Variants in PEX5L observed in about 807,000 individuals in gnomAD.
PEX5L encodes peroxisomal biogenesis factor 5 like.
Under a neutral mutation model 84.0 loss-of-function variants are expected in PEX5L, and 30 were observed. The observed-to-expected ratio is 0.36, with a 90% CI of 0.27 to 0.48. PEX5L has a LOEUF of 0.48. PEX5L is among the 20% of genes least tolerant of loss of function. The probability of loss-of-function intolerance (pLI) is 0.99; values close to 1 mark genes in which losing one functional copy is unlikely to be tolerated. For synonymous variants in PEX5L, 270 were observed against 283.1 expected, an observed-to-expected ratio of 0.95 and a Z score of 0.46; for missense variants, 533 against 754.6, an observed-to-expected ratio of 0.71 and a Z score of 3.44.
At position 179,801,802 on chromosome 3, in the gene PEX5L, T is replaced by G; in HGVS notation, c.*26A>C. 5 of 1,310,294 alleles carry G rather than the reference T, an allele frequency of 3.8e-6. No individual in the cohort carries two copies. Among genetic ancestry groups the G allele is most frequent in the Non-Finnish European group, 5.5e-6 (5 of 902,452 alleles). 81.2% of individuals were successfully genotyped at this position (1,310,294 alleles called of 1,614,324 possible). A position where few individuals can be genotyped will look rare whatever the true frequency, so the allele number is the denominator to read the frequency against. On this transcript the variant is annotated 3_prime_UTR_variant, in exon 15 of 15. Coordinates refer to ENST00000467460, the MANE Select transcript of PEX5L (RefSeq NM_016559.3). ...TCAGTACAATCACACAGATCAGGGA[T>G]TATTAGTACTGGTATTATTCTTTCT...
At chr3:179,818,078 A>T (rs1726847464) in intron 9 of PEX5L, among the ~76,000 whole-genome samples, 1 of 152,170 alleles carries the variant, frequency 6.6e-6, no homozygotes, top group South Asian at 2.1e-4. Context: ...TAGATTGCAG[A>T]TCTACTAAAA....
chr3:180,008,864 TG>T (rs1402786775), intron 1 of PEX5L, among the ~76,000 whole-genome samples: 4 of 152,166 alleles, frequency 2.6e-5, no homozygotes, highest in Non-Finnish European at 5.9e-5. Flanking sequence ...GAAGAGAATA[TG>T]GGTGGGGAGA....
At chr3:179,951,271 G>C (rs1779014425) in intron 2 of PEX5L, among the ~76,000 whole-genome samples, 1 of 152,136 alleles carries the variant, frequency 6.6e-6, no homozygotes, top group Non-Finnish European at 1.5e-5. Context: ...TTAGAGTTGA[G>C]ATTACTAGCT....
chr3:179,978,650 AAAGT>A (rs1786032661), intron 1 of PEX5L, among the ~76,000 whole-genome samples: 1 of 152,226 alleles, frequency 6.6e-6, no homozygotes. Context: ...AAAACTCAGA[AAAGT>A]AAGACTATTG....
At chr3:179,940,229 A>G (rs561622099) in intron 2 of PEX5L, among the ~76,000 whole-genome samples, 1 of 151,902 alleles carries the variant, frequency 6.6e-6, no homozygotes, top group East Asian at 1.9e-4. Context: ...ATGGATGAGG[A>G]AGGGGTGGAT....
intron 4 of PEX5L, among the ~76,000 whole-genome samples, chr3:179,884,458 G>A (rs1335723736): frequency 6.6e-6 from 1 of 152,180 alleles, no homozygotes; most frequent in Non-Finnish European, 1.5e-5. Flanking sequence ...CTAGAAGCTG[G>A]AAAAAGCAAG....
chr3:179,960,568 C>T (rs1328435756), intron 2 of PEX5L, among the ~76,000 whole-genome samples: 2 of 152,132 alleles, frequency 1.3e-5, no homozygotes, highest in African/African-American at 4.8e-5. Flanking sequence ...AGTCCTGATC[C>T]AAGGGTATGA....
chr3:179,956,045 C>A (rs1209220158), intron 2 of PEX5L, among the ~76,000 whole-genome samples: 3 of 152,120 alleles, frequency 2.0e-5, no homozygotes, highest in Admixed American at 6.6e-5. Context: ...AGGAAGTAAT[C>A]CTCTCGAGTG....
intron 2 of PEX5L, among the ~76,000 whole-genome samples, chr3:179,931,505 C>A (rs915336117): frequency 6.6e-6 from 1 of 152,110 alleles, no homozygotes; most frequent in Admixed American, 6.5e-5. Flanking sequence ...AATGATAGAA[C>A]CACATTGGAA....
At position 179,801,900 on chromosome 3, in the gene PEX5L, T is replaced by C. The variant is rs754835269; in HGVS notation, c.1809A>G (p.Gln603=). The part of the protein sequence containing the change: ...ALRIALSLMD[Q]PELFQAANLG... The stretch of plus-strand genomic sequence containing the variant: ...GATTAGCCGCCTGGAAGAGTTCTGG[T>C]TGGTCCATCAGAGAGAGCGCAATTC... Residue 603 remains glutamine, a synonymous_variant, in exon 15 of 15, where the codon CAA becomes CAG. Transcript: ENST00000467460. 8.1e-6 allele frequency: 13 copies of C among 1,613,944 alleles called. No homozygotes were observed. The highest frequency in any genetic ancestry group is 9.3e-6 in the Non-Finnish European group (11 of 1,179,966).
intron 1 of PEX5L, among the ~76,000 whole-genome samples, chr3:180,011,815 C>G (rs1208564312): frequency 6.6e-6 from 1 of 152,052 alleles, no homozygotes; most frequent in Admixed American, 6.5e-5. Flanking sequence ...CAACAGACCA[C>G]ATTTAAAGGG....
chr3:179,985,999 T>C (rs1183878843), intron 1 of PEX5L, among the ~76,000 whole-genome samples: 1 of 152,050 alleles, frequency 6.6e-6, no homozygotes. Flanking sequence ...TGGCTGGATG[T>C]GGATGTTTCT....
At chr3:179,923,083 A>G (rs1770156577) in intron 2 of PEX5L, among the ~76,000 whole-genome samples, 1 of 151,780 alleles carries the variant, frequency 6.6e-6, no homozygotes, top group South Asian at 2.1e-4. Context: ...AAGTCAGGAG[A>G]TCAAGACCAT....
At chr3:179,807,584 G>C in intron 14 of PEX5L, 90 bp downstream of exon 14, 4 of 1,240,124 alleles carry the variant, frequency 3.2e-6, no homozygotes. Flanking sequence ...TCCTACCAAG[G>C]CAGGCATTTT....
At chr3:180,011,347 G>T (rs1276387953) in intron 1 of PEX5L, among the ~76,000 whole-genome samples, 1 of 152,128 alleles carries the variant, frequency 6.6e-6, no homozygotes, top group Non-Finnish European at 1.5e-5. Flanking sequence ...AGAGCAGGTG[G>T]CTTCATTATT....
intron 3 of PEX5L, 117 bp from the exon 4 acceptor site, chr3:179,887,901 CATAA>C: frequency 1.4e-6 from 1 of 731,856 alleles, no homozygotes; most frequent in South Asian, 1.8e-5. Context: ...TAAATAAATA[CATAA>C]ATAAATAATG....
intron 7 of PEX5L, among the ~76,000 whole-genome samples, chr3:179,868,554 G>A (rs1462335275): frequency 6.6e-6 from 1 of 152,100 alleles, no homozygotes; most frequent in Admixed American, 6.6e-5. Context: ...GCCCTGCAAA[G>A]CTGTCTTTTG....
At chr3:180,003,594 C>T (rs1200699681) in intron 1 of PEX5L, among the ~76,000 whole-genome samples, 1 of 152,034 alleles carries the variant, frequency 6.6e-6, no homozygotes, top group Non-Finnish European at 1.5e-5. Flanking sequence ...GGTTTAATCT[C>T]ACATATCTAA....
chr3:180,034,051 T>C (rs753499835), intron 1 of PEX5L, among the ~76,000 whole-genome samples: 7 of 152,222 alleles, frequency 4.6e-5, no homozygotes, highest in Non-Finnish European at 1.0e-4. Flanking sequence ...ATAGACTTTA[T>C]CTGCAAAATC....
Sources: allele counts gnomAD v4.1 joint callset (sites outside exome capture counted in the v4.1 genomes callset), GRCh38; gene constraint gnomAD v4.1.1; transcripts MANE v1.5; gene names NCBI Gene and HGNC (gene_info 2026-07-23, HGNC 2026-07-21).